CFAP20DC: variants seen among roughly 807,000 people sequenced by gnomAD.
CFAP20DC encodes the protein protein CFAP20DC.
In CFAP20DC, 84 loss-of-function variants were observed where a neutral mutation model predicts 101.7. That is an observed-to-expected ratio of 0.83 (90% CI 0.69 to 0.99). CFAP20DC has a LOEUF of 0.99. CFAP20DC is among the 50% of genes least tolerant of loss of function. The pLI is 0.00. For synonymous variants in CFAP20DC, 359 were observed against 351.2 expected, an observed-to-expected ratio of 1.02 and a Z score of -0.25; for missense variants, 1,007 against 970.3, an observed-to-expected ratio of 1.04 and a Z score of -0.50.
intron 15 of CFAP20DC, among the ~76,000 whole-genome samples, chr3:58,756,980 TCAATGTTTTG>T (rs2069012030): frequency 6.6e-6 from 1 of 152,124 alleles, no homozygotes; most frequent in African/African-American, 2.4e-5. Context: ...GAGCATGTTT[TCAATGTTTTG>T]CAATGATTGC....
At chr3:59,047,612 G>T (rs973859759) in intron 1 of CFAP20DC, among the ~76,000 whole-genome samples, 2 of 151,982 alleles carry the variant, frequency 1.3e-5, no homozygotes, top group African/African-American at 4.8e-5. Context: ...CACACTAAAG[G>T]GTTTAAACGC....
In CFAP20DC at chr3:58,858,355, C is replaced by T. The variant is rs574031435; in HGVS notation, c.1593+5203G>A. Among the ~76,000 whole-genome samples, 3 of 152,244 alleles carry T rather than the reference C, an allele frequency of 2.0e-5. No individual in the cohort carries two copies. The South Asian group carries it at 6.2e-4, about 32-fold the overall frequency. ...TGTATGCCGAAGATGAGAATGATTT[C>T]CCCAAGGAGCCAGCACTTCCTCTGC... On this transcript the variant is annotated intron_variant, in intron 12 of 16. Transcript: ENST00000482387.
In CFAP20DC at chr3:58,913,730, T is replaced by A. The variant is rs13085713; in HGVS notation, c.528A>T (p.Pro176=). 206 of 1,613,708 alleles carry A rather than the reference T, an allele frequency of 1.3e-4. No individual in the cohort carries two copies. The African/African-American group carries it at 2.5e-3, about 20-fold the overall frequency. ...TACCATCCTTATCAGCAGTGTCTTG[T>A]GGCTTTGATTTTAAGGTGAAGATCT... ...LRKIFTLKSK[P]QDTADKDAVY... is the part of the protein sequence containing the mutation. Residue 176 remains proline (P), a synonymous_variant, in exon 6 of 17, where the codon CCA becomes CCT. Coordinates refer to ENST00000482387, the MANE Select transcript of CFAP20DC (RefSeq NM_001394063.1). The surrounding 1 kb of genome is among the most constrained non-coding windows in gnomAD (Gnocchi z 4.4).
chr3:58,843,109 T>C (rs1213552685), intron 13 of CFAP20DC, among the ~76,000 whole-genome samples: 1 of 152,202 alleles, frequency 6.6e-6, no homozygotes, highest in Non-Finnish European at 1.5e-5. Context: ...AGAGCGCCTC[T>C]CTTCCTCCAA....
intron 3 of CFAP20DC, among the ~76,000 whole-genome samples, chr3:58,735,798 T>A (rs1438006907): frequency 6.6e-6 from 1 of 152,136 alleles, no homozygotes; most frequent in Non-Finnish European, 1.5e-5. Context: ...TGATCAAAAA[T>A]GTATTAAAAA....
chr3:58,930,694 A>AT (rs1399151744), intron 5 of CFAP20DC, among the ~76,000 whole-genome samples: 1 of 152,140 alleles, frequency 6.6e-6, no homozygotes, highest in East Asian at 1.9e-4. Flanking sequence ...CAGTATGTTT[A>AT]TTTTTATGTT....
chr3:59,029,223 G>A (rs533169092), intron 4 of CFAP20DC, among the ~76,000 whole-genome samples: 6 of 152,136 alleles, frequency 3.9e-5, no homozygotes, highest in Admixed American at 1.3e-4. Context: ...TGTGCTGGGC[G>A]CTGGGATATC....
chr3:58,851,385 T>A (rs562077084), intron 12 of CFAP20DC, among the ~76,000 whole-genome samples: 1 of 152,278 alleles, frequency 6.6e-6, no homozygotes, highest in East Asian at 1.9e-4. Flanking sequence ...CTGGACTGGT[T>A]TGAGAGTTCA....
At chr3:58,736,015 C>T (rs1654295706) in intron 3 of CFAP20DC, among the ~76,000 whole-genome samples, 2 of 152,068 alleles carry the variant, frequency 1.3e-5, no homozygotes. Flanking sequence ...TGGTGATGTT[C>T]TTGAGAAGTA....
intron 15 of CFAP20DC, among the ~76,000 whole-genome samples, chr3:58,771,601 G>A (rs1163840076): frequency 6.6e-6 from 1 of 152,070 alleles, no homozygotes; most frequent in African/African-American, 2.4e-5. Flanking sequence ...AGAGCTCTCT[G>A]ACCTTCTACT....
chr3:58,796,991 C>T (rs907648097), intron 15 of CFAP20DC, among the ~76,000 whole-genome samples: 1 of 152,142 alleles, frequency 6.6e-6, no homozygotes, highest in Admixed American at 6.5e-5. Flanking sequence ...CTGACTAATT[C>T]CACTTGATCA....
intron 13 of CFAP20DC, among the ~76,000 whole-genome samples, chr3:58,840,280 G>T (rs540201331): frequency 3.5e-4 from 54 of 152,258 alleles, no homozygotes; most frequent in Non-Finnish European, 7.2e-4. Flanking sequence ...AAAAGCTATT[G>T]GTAGGAGTGT....
intron 16 of CFAP20DC, among the ~76,000 whole-genome samples, chr3:58,752,840 GA>G (rs920146291): frequency 6.6e-6 from 1 of 151,184 alleles, no homozygotes; most frequent in South Asian, 2.1e-4. Flanking sequence ...GGGCAGTTAG[GA>G]AAAAAAACAA....
chr3:58,944,218 C>T (rs1429359437), intron 4 of CFAP20DC, among the ~76,000 whole-genome samples: 2 of 152,090 alleles, frequency 1.3e-5, no homozygotes, highest in Non-Finnish European at 2.9e-5. Context: ...TCAGGAAATA[C>T]AGAGACCACC....
intron 7 of CFAP20DC, among the ~76,000 whole-genome samples, chr3:58,875,477 T>C (rs920411331): frequency 1.3e-5 from 2 of 152,166 alleles, no homozygotes; most frequent in African/African-American, 4.8e-5. Flanking sequence ...CTGTGGGACA[T>C]GGTGTGGGCC....
At chr3:58,996,022 C>CTATCTATA (rs1255892199) in intron 4 of CFAP20DC, among the ~76,000 whole-genome samples, 1 of 150,364 alleles carries the variant, frequency 6.7e-6, no homozygotes, top group Non-Finnish European at 1.5e-5. Flanking sequence ...ATCTATCTAT[C>CTATCTATA]TATTGTTTCT....
At chr3:58,972,866 T>C (rs2092030202) in intron 4 of CFAP20DC, among the ~76,000 whole-genome samples, 1 of 152,222 alleles carries the variant, frequency 6.6e-6, no homozygotes, top group Non-Finnish European at 1.5e-5. Context: ...TTAAAAAATA[T>C]GTTCAACTAG....
At chr3:58,782,351 C>G (rs1280575363) in intron 15 of CFAP20DC, among the ~76,000 whole-genome samples, 1 of 151,982 alleles carries the variant, frequency 6.6e-6, no homozygotes, top group Non-Finnish European at 1.5e-5. Context: ...AAGCTGGAAG[C>G]CTTTCCCCTA....
intron 13 of CFAP20DC, among the ~76,000 whole-genome samples, chr3:58,838,850 T>C (rs1016462447): frequency 2.0e-5 from 3 of 152,208 alleles, no homozygotes; most frequent in Non-Finnish European, 2.9e-5. Context: ...AGAAGGAATA[T>C]AGTAAAATCT....
Sources: gnomAD v4.1 joint callset for allele counts (sites outside exome capture counted in the v4.1 genomes callset) on GRCh38, gnomAD v4.1.1 for gene constraint, Gnocchi (gnomAD v3.1) non-coding constraint, MANE v1.5 for transcripts, NCBI Gene and HGNC (gene_info 2026-07-23, HGNC 2026-07-21) for gene names.